Variants in STAT5B observed in about 807,000 individuals in gnomAD.
The protein encoded by STAT5B is signal transducer and activator of transcription 5B, also known as transcription factor STAT5B.
In STAT5B, 21 loss-of-function variants were observed where a neutral mutation model predicts 107.8. That is an observed-to-expected ratio of 0.19 (90% confidence interval 0.14 to 0.28). The LOEUF is 0.28. STAT5B is among the 10% of genes least tolerant of loss of function. The pLI is 1.00. For synonymous variants in STAT5B, 325 were observed against 401.7 expected (o/e 0.81, Z 2.28); for missense variants, 565 against 1,008.2 (o/e 0.56, Z 5.95).
At chr17:42,250,700 G>A (rs568261474) in intron 1 of STAT5B, among the ~76,000 whole-genome samples, 2 of 152,028 alleles carry the variant, frequency 1.3e-5, no homozygotes, top group South Asian at 2.1e-4. Flanking sequence ...CAAGGCGGGC[G>A]GATCATGAGG....
chr17:42,263,854 A>T, intron 1 of STAT5B, among the ~76,000 whole-genome samples: 1 of 136,368 alleles, frequency 7.3e-6, no homozygotes, highest in South Asian at 2.4e-4. Context: ...GAAAAATGGA[A>T]AGATACTAGA....
chr17:42,223,354 T>A, intron 5 of STAT5B, 28 bp downstream of exon 5: 1 of 1,614,094 alleles, frequency 6.2e-7, no homozygotes. Flanking sequence ...ATCCTCAAGT[T>A]GCACAATGTG....
At chr17:42,230,214 T>A (rs2080306488) in intron 2 of STAT5B, among the ~76,000 whole-genome samples, 1 of 152,172 alleles carries the variant, frequency 6.6e-6, no homozygotes, top group Admixed American at 6.5e-5. Context: ...TCTTTGGTGA[T>A]CTTTAGTTTC....
intron 1 of STAT5B, among the ~76,000 whole-genome samples, chr17:42,238,532 G>A (rs1487725069): frequency 2.7e-5 from 4 of 148,318 alleles, no homozygotes; most frequent in Admixed American, 6.9e-5. Flanking sequence ...TGGGCTCACT[G>A]CAACCTCCGC....
At chr17:42,268,356 T>G (rs1026465302) in intron 1 of STAT5B, among the ~76,000 whole-genome samples, 1 of 152,188 alleles carries the variant, frequency 6.6e-6, no homozygotes, top group Admixed American at 6.5e-5. Flanking sequence ...CTAGGAGCAA[T>G]AGGCTTTATC....
intron 5 of STAT5B, 37 bp from the exon 6 acceptor site, chr17:42,219,879 C>T (rs1158483482): frequency 6.2e-7 from 1 of 1,613,994 alleles, no homozygotes; most frequent in Admixed American, 1.7e-5. Flanking sequence ...CCATCACCTC[C>T]CAGTGTCCAA....
At chr17:42,224,403 G>A (rs922670550) in intron 4 of STAT5B, among the ~76,000 whole-genome samples, 3 of 151,226 alleles carry the variant, frequency 2.0e-5, no homozygotes, top group African/African-American at 4.9e-5. Context: ...GCAGGGGTGC[G>A]ATCATGGCTC....
chr17:42,223,218 C>G (rs1042773455), intron 5 of STAT5B, among the ~76,000 whole-genome samples, 164 bp downstream of exon 5: 1 of 152,086 alleles, frequency 6.6e-6, no homozygotes, highest in African/African-American at 2.4e-5. Context: ...CTTCCTAAAT[C>G]TCATCCTCTC....
Position 42,201,111 on chromosome 17 carries a change from G to C in STAT5B, c.*627C>G. The C allele has an allele frequency of 4.9e-6, 2 of 404,442 alleles. No individual in the cohort carries two copies. Among genetic ancestry groups the C allele is most frequent in the Non-Finnish European group, 8.7e-6 (2 of 229,396 alleles). 25.1% of individuals were successfully genotyped at this position (404,442 alleles called of 1,614,324 possible). The stretch of plus-strand genomic sequence containing the variant: ...TTTTGTGAAAAGCCACCGCCCATCC[G>C]AAAGCTTGTGACTTCCCTTGCCCCA... On this transcript the variant is annotated 3_prime_UTR_variant, in exon 19 of 19. Coordinates refer to ENST00000293328, the MANE Select transcript of STAT5B (RefSeq NM_012448.4).
chr17:42,262,813 CACAT>C (rs1232797914), intron 1 of STAT5B, among the ~76,000 whole-genome samples: 12 of 119,288 alleles, frequency 1.0e-4, no homozygotes, highest in Admixed American at 2.6e-4. Context: ...TATATATACA[CACAT>C]ATATATGTGT....
At chr17:42,202,274 A>T in intron 18 of STAT5B, 66 bp downstream of exon 18, 1 of 1,585,406 alleles carries the variant, frequency 6.3e-7, no homozygotes, top group Non-Finnish European at 8.6e-7. Context: ...CCAGCCCTCC[A>T]GGGGTCCAGC....
intron 1 of STAT5B, among the ~76,000 whole-genome samples, chr17:42,255,596 A>G (rs1275010786): frequency 6.6e-6 from 1 of 152,266 alleles, no homozygotes; most frequent in Non-Finnish European, 1.5e-5. Context: ...AGATGCCTGG[A>G]GTAGTCAAAC....
At chr17:42,237,824 G>A (rs1198745388) in intron 1 of STAT5B, among the ~76,000 whole-genome samples, 1 of 152,022 alleles carries the variant, frequency 6.6e-6, no homozygotes, top group Non-Finnish European at 1.5e-5. Context: ...TTTCTTATTT[G>A]TACAATGGGA....
chr17:42,246,421 A>G (rs1356064949), intron 1 of STAT5B, among the ~76,000 whole-genome samples: 1 of 152,134 alleles, frequency 6.6e-6, no homozygotes, highest in African/African-American at 2.4e-5. Context: ...TTAAAATGCA[A>G]TTCTTTCACT....
chr17:42,235,294 C>T (rs1360725567), intron 1 of STAT5B: 1 of 152,168 alleles, frequency 6.6e-6, no homozygotes, highest in Non-Finnish European at 1.5e-5. Flanking sequence ...GTTTTGTTCA[C>T]CGTGCTTTCT....
chr17:42,254,314 A>G (rs2080523728), intron 1 of STAT5B, among the ~76,000 whole-genome samples: 2 of 152,190 alleles, frequency 1.3e-5, no homozygotes, highest in Admixed American at 6.5e-5. Flanking sequence ...CAGGAGTTTG[A>G]GGCTACAGTG....
chr17:42,279,507 G>C (rs978317061), upstream of STAT5B, among the ~76,000 whole-genome samples: 22 of 152,210 alleles, frequency 1.4e-4, no homozygotes, highest in Non-Finnish European at 2.9e-5. Flanking sequence ...CCTGAAGGGG[G>C]CCGGGCGCAG....
At chr17:42,281,627 C>T (rs756304477), upstream of STAT5B, among the ~76,000 whole-genome samples, 3 of 152,076 alleles carry the variant, frequency 2.0e-5, no homozygotes, top group Non-Finnish European at 4.4e-5. Flanking sequence ...GGGGAGAGGA[C>T]GGGAGCGATG....
At chr17:42,206,908 A>C (rs1598295136) in intron 16 of STAT5B, among the ~76,000 whole-genome samples, 10 of 113,690 alleles carry the variant, frequency 8.8e-5, no homozygotes, top group African/African-American at 2.1e-4. Flanking sequence ...ACTGAGTCTC[A>C]CCCTATTGCC....
Sources: gnomAD v4.1 joint callset for allele counts (sites outside exome capture counted in the v4.1 genomes callset) on GRCh38, gnomAD v4.1.1 for gene constraint, MANE v1.5 for transcripts, NCBI Gene and HGNC (gene_info 2026-07-23, HGNC 2026-07-21) for gene names.